The following AMY2B variants were observed in gnomAD, a reference collection of about 807,000 sequenced individuals.
AMY2B encodes alpha-amylase 2B.
In AMY2B, 63 loss-of-function variants were observed where a neutral mutation model predicts 59.3. The observed-to-expected ratio is 1.06, with a 90% confidence interval of 0.87 to 1.31. The LOEUF is 1.31. AMY2B is among the 50% of genes most tolerant of loss of function. AMY2B has a pLI of 0.00. For synonymous variants in AMY2B, 180 were observed against 198.1 expected (o/e 0.91, Z 0.77); for missense variants, 635 against 626.7 (o/e 1.01, Z -0.14).
chr1:103,569,619 G>T, upstream of AMY2B: 1 of 398,794 alleles, frequency 2.5e-6, no homozygotes, highest in East Asian at 8.1e-5. Flanking sequence ...TGGCTTTGCT[G>T]GGGACGACAA....
upstream of AMY2B, chr1:103,568,668 A>G (rs1161887806): frequency 1.3e-5 from 2 of 152,080 alleles, no homozygotes; most frequent in Admixed American, 6.6e-5. Context: ...GTTGGCTTCA[A>G]TTGTTATTTT....
chr1:103,562,720 A>T (rs1651775095), intron 1 of AMY2B, among the ~76,000 whole-genome samples: 1 of 151,248 alleles, frequency 6.6e-6, no homozygotes, highest in South Asian at 2.1e-4. Flanking sequence ...CATGTTAAAA[A>T]ACTATAATAT....
upstream of AMY2B, chr1:103,570,553 A>G (rs1652086883): frequency 1.7e-6 from 1 of 605,494 alleles, no homozygotes; most frequent in Non-Finnish European, 3.2e-6. Context: ...CCAGAGCACA[A>G]GTACTCCGTG....
intron 9 of AMY2B, among the ~76,000 whole-genome samples, chr1:103,578,093 A>G (rs1652435330): frequency 6.6e-6 from 1 of 152,182 alleles, no homozygotes; most frequent in Non-Finnish European, 1.5e-5. Flanking sequence ...TCTTATGCAT[A>G]TATTGAATGC....
At chr1:103,557,178 A>G (rs1273786167) in intron 1 of AMY2B, among the ~76,000 whole-genome samples, 9 of 152,134 alleles carry the variant, frequency 5.9e-5, no homozygotes, top group Admixed American at 3.9e-4. Context: ...ACACATACAT[A>G]CATACATACA....
At chr1:103,561,372 A>G (rs1042748106) in intron 1 of AMY2B, among the ~76,000 whole-genome samples, 92 of 152,172 alleles carry the variant, frequency 6.0e-4, no homozygotes, top group African/African-American at 2.1e-3. Context: ...GGTTCAAGCA[A>G]TTCTCCTGCC....
At position 103,575,447 on chromosome 1, in the gene AMY2B, T is replaced by A; in HGVS notation, c.1008T>A (p.Tyr336Ter). ...SILTFWDARLYKMAVGFMLAH... is the reference protein window; with the variant it reads ...SILTFWDARL ...ATAATTATGTAACTTTCAGGCTGTA[T>A]AAAATGGCAGTTGGATTTATGCTTG... Residue 336 changes from tyrosine (Y) to a stop codon, truncating the protein, a stop_gained, in exon 7 of 10, where the codon TAT becomes TAA. Transcript: ENST00000684275. LOFTEE classifies it high-confidence loss of function. 6.2e-7 allele frequency: 1 copy of A among 1,613,610 alleles called. No homozygotes were observed. Among genetic ancestry groups the A allele is most frequent in the Non-Finnish European group, 8.5e-7 (1 of 1,179,702 alleles).
At chr1:103,569,267 CAG>C (rs1264212367), upstream of AMY2B, 2 of 152,296 alleles carry the variant, frequency 1.3e-5, no homozygotes. Context: ...CACACACACA[CAG>C]AGTCTATATA....
intron 7 of AMY2B, 182 bp downstream of exon 7, chr1:103,575,722 C>A: frequency 6.6e-6 from 6 of 911,372 alleles, no homozygotes; most frequent in East Asian, 6.2e-5. Flanking sequence ...TTTCCATTGA[C>A]AAAGAGTATG....
Position 103,575,515 on chromosome 1 carries a change from G to T in AMY2B, c.1076G>T (p.Trp359Leu), listed in dbSNP as rs1201672301. The change falls in exon 7 of 10, where the codon TGG (tryptophan) becomes TTG (leucine). Residue 359 changes from tryptophan (W) to leucine (L), a missense_variant. Physicochemically the swap from Trp to Leu is moderately conservative, Grantham distance 61. Coordinates refer to ENST00000684275, the MANE Select transcript of AMY2B (RefSeq NM_001387437.1). ...ACACGAGTAATGTCAAGCTACCGTTGGCCAAGACAGTTTCAAAATGGAAAC... is the reference window on the plus strand; with the variant it reads ...ACACGAGTAATGTCAAGCTACCGTTTGCCAAGACAGTTTCAAAATGGAAAC... Reference protein sequence around the residue: ...GFTRVMSSYRWPRQFQNGNDV... With the variant: ...GFTRVMSSYRLPRQFQNGNDV... 6.2e-7 allele frequency: 1 copy of T among 1,613,576 alleles called. No individual in the cohort carries two copies. The highest frequency in any genetic ancestry group is 1.7e-5 in the Admixed American group (1 of 59,936).
At chr1:103,579,061 C>T (rs1652473485) in intron 9 of AMY2B, among the ~76,000 whole-genome samples, 1 of 152,182 alleles carries the variant, frequency 6.6e-6, no homozygotes, top group Non-Finnish European at 1.5e-5. Context: ...TGCCAATCTT[C>T]AGTGATATTC....
chr1:103,575,621 A>T (rs562978646), intron 7 of AMY2B, 81 bp downstream of exon 7: 1 of 1,564,570 alleles, frequency 6.4e-7, no homozygotes, highest in African/African-American at 1.4e-5. Flanking sequence ...GACAACTATT[A>T]ATTATATATT....
chr1:103,572,832 G>A (rs774346590), intron 2 of AMY2B, among the ~76,000 whole-genome samples: 4 of 152,024 alleles, frequency 2.6e-5, no homozygotes, highest in Non-Finnish European at 5.9e-5. Flanking sequence ...GGTAGTTTCT[G>A]GTTCTCTCAA....
upstream of AMY2B, chr1:103,568,549 A>C (rs1651987060): frequency 6.6e-6 from 1 of 152,306 alleles, no homozygotes; most frequent in South Asian, 2.1e-4. Context: ...ACTTTGAATT[A>C]AGGATGGGAA....
At chr1:103,569,441 C>T, upstream of AMY2B, 2 of 212,148 alleles carry the variant, frequency 9.4e-6, no homozygotes, top group East Asian at 1.6e-4. Context: ...TGTACACTGC[C>T]AGAGGTTTAA....
At chr1:103,575,563 C>A in intron 7 of AMY2B, 23 bp downstream of exon 7, 1 of 1,610,936 alleles carries the variant, frequency 6.2e-7, no homozygotes. Flanking sequence ...ATTGTTCAAA[C>A]TATCCTTTTC....
chr1:103,569,398 GTGT>G (rs1652028500), upstream of AMY2B: 1 of 125,806 alleles, frequency 7.9e-6, no homozygotes, highest in Admixed American at 7.6e-5. Context: ...ATGTGGGTTT[GTGT>G]GTGTGTGTGT....
chr1:103,556,596 TATA>T (rs1486948157), intron 1 of AMY2B, among the ~76,000 whole-genome samples: 2 of 151,912 alleles, frequency 1.3e-5, no homozygotes, highest in Admixed American at 6.6e-5. Context: ...CTAAGTATAG[TATA>T]ATAGTACTAA....
chr1:103,566,099 C>T (rs955552344), intron 2 of AMY2B, among the ~76,000 whole-genome samples: 12 of 152,106 alleles, frequency 7.9e-5, no homozygotes, highest in African/African-American at 2.7e-4. Context: ...TTTCCTTGCT[C>T]TTCTACATGT....
Sources: allele counts gnomAD v4.1 joint callset (sites outside exome capture counted in the v4.1 genomes callset), GRCh38; gene constraint gnomAD v4.1.1; transcripts MANE v1.5; gene names NCBI Gene and HGNC (gene_info 2026-07-23, HGNC 2026-07-21).